UBE2H: variants seen among roughly 807,000 people sequenced by gnomAD.
The protein encoded by UBE2H is ubiquitin-conjugating enzyme E2 H.
A neutral mutation model predicts 29.0 loss-of-function variants in UBE2H; 3 were observed. The observed-to-expected ratio is 0.10, with a 90% CI of 0.05 to 0.27. The LOEUF (loss-of-function observed/expected upper bound fraction) is 0.27. UBE2H is among the 10% of genes least tolerant of loss of function. The pLI is 1.00. For missense variants in UBE2H, 68 were observed against 228.2 expected, an observed-to-expected ratio of 0.30 and a Z score of 4.52; for synonymous variants, 69 against 82.9, an observed-to-expected ratio of 0.83 and a Z score of 0.91.
intron 1 of UBE2H, among the ~76,000 whole-genome samples, chr7:129,889,770 G>A (rs754397176): frequency 7.2e-5 from 11 of 152,150 alleles, no homozygotes; most frequent in Admixed American, 1.3e-4. Context: ...GATTGCTTGA[G>A]GCCAGGAGTC....
chr7:129,872,657 C>A (rs1293014860), intron 3 of UBE2H, among the ~76,000 whole-genome samples: 3 of 151,820 alleles, frequency 2.0e-5, no homozygotes, highest in Non-Finnish European at 4.4e-5. Context: ...GCCTGGCCAA[C>A]ATGGTGAAAC....
intron 3 of UBE2H, among the ~76,000 whole-genome samples, chr7:129,859,228 A>G (rs534303181): frequency 6.6e-6 from 1 of 152,350 alleles, no homozygotes; most frequent in African/African-American, 2.4e-5. Flanking sequence ...GTACTGCTCA[A>G]AGATAAATTA....
At chr7:129,862,157 G>A (rs557083980) in intron 3 of UBE2H, among the ~76,000 whole-genome samples, 1 of 152,268 alleles carries the variant, frequency 6.6e-6, no homozygotes, top group South Asian at 2.1e-4. Context: ...TCTGATGAGT[G>A]GGGAACAATG....
At chr7:129,903,779 A>T (rs1017692647) in intron 1 of UBE2H, among the ~76,000 whole-genome samples, 4 of 151,964 alleles carry the variant, frequency 2.6e-5, no homozygotes, top group African/African-American at 7.3e-5. Context: ...AGTGTTACAC[A>T]CCTGTTATCC....
chr7:129,902,936 T>C (rs546010560), intron 1 of UBE2H, among the ~76,000 whole-genome samples: 32 of 152,358 alleles, frequency 2.1e-4, no homozygotes, highest in Middle Eastern at 6.8e-3. Context: ...CATGCAAGTA[T>C]TGTTTCCATT....
At chr7:129,905,411 C>T (rs1806796019) in intron 1 of UBE2H, among the ~76,000 whole-genome samples, 1 of 152,036 alleles carries the variant, frequency 6.6e-6, no homozygotes, top group Non-Finnish European at 1.5e-5. Context: ...AGTATGGGAT[C>T]CCAGCTATGT....
chr7:129,904,235 T>C (rs1034982254), intron 1 of UBE2H, among the ~76,000 whole-genome samples: 2 of 152,166 alleles, frequency 1.3e-5, no homozygotes, highest in African/African-American at 4.8e-5. Flanking sequence ...CCAGCCCTGA[T>C]TTCCCTGTTT....
intron 1 of UBE2H, among the ~76,000 whole-genome samples, chr7:129,932,773 CAAAA>C (rs1208871059): frequency 1.2e-4 from 4 of 33,210 alleles, no homozygotes; most frequent in African/African-American, 5.0e-4. Flanking sequence ...GACTCCGTCT[CAAAA>C]AAAAAAAAAA....
chr7:129,860,237 CACTTTTA>C (rs1805775390), intron 3 of UBE2H, among the ~76,000 whole-genome samples: 2 of 152,164 alleles, frequency 1.3e-5, no homozygotes, highest in African/African-American at 4.8e-5. Context: ...TAGTCACTCA[CACTTTTA>C]ACTTTTGTTT....
chr7:129,870,588 G>A (rs78461008), intron 3 of UBE2H, among the ~76,000 whole-genome samples: 22,119 of 152,128 alleles, frequency 0.15, 1,680 homozygotes, highest in Admixed American at 0.2. Flanking sequence ...TCTTCACAGC[G>A]GTGTATGTCT....
chr7:129,916,585 G>A (rs1043261129), intron 1 of UBE2H, among the ~76,000 whole-genome samples: 7 of 151,930 alleles, frequency 4.6e-5, no homozygotes, highest in African/African-American at 1.2e-4. Flanking sequence ...TGTTTGGAAA[G>A]CTAGGGGGAA....
At chr7:129,917,488 T>G (rs1265167230) in intron 1 of UBE2H, among the ~76,000 whole-genome samples, 1 of 152,030 alleles carries the variant, frequency 6.6e-6, no homozygotes, top group Non-Finnish European at 1.5e-5. Flanking sequence ...GGGAGGTTGG[T>G]GGTAACAAAA....
chr7:129,893,462 T>C (rs185787852), intron 1 of UBE2H, among the ~76,000 whole-genome samples: 1 of 152,180 alleles, frequency 6.6e-6, no homozygotes, highest in African/African-American at 2.4e-5. Flanking sequence ...CCCAACAAAA[T>C]ATTTTTAAAA....
chr7:129,881,595 C>T (rs1806255261), intron 1 of UBE2H, among the ~76,000 whole-genome samples: 1 of 151,432 alleles, frequency 6.6e-6, no homozygotes, highest in Admixed American at 6.6e-5. Context: ...TTGCAGTGAG[C>T]CGAGATCACA....
At chr7:129,942,706 AT>A (rs901793786) in intron 1 of UBE2H, among the ~76,000 whole-genome samples, 3 of 152,202 alleles carry the variant, frequency 2.0e-5, no homozygotes, top group African/African-American at 4.8e-5. Context: ...GTTAAAAAAA[AT>A]CTTATCAATA....
At position 129,834,345 on chromosome 7, in the gene UBE2H, G is replaced by T. The variant is rs1295811398; in HGVS notation, c.*592C>A. On this transcript the variant is annotated 3_prime_UTR_variant, in exon 7 of 7. Coordinates refer to ENST00000355621, the MANE Select transcript of UBE2H (RefSeq NM_003344.4). ...GTACTTAAAATCAGAGTCAAAAAAT[G>T]GTTTTAAGTTTTAATACTCTTAATT... The T allele has an allele frequency of 6.6e-6, 1 of 152,290 alleles. No individual in the cohort carries two copies. The highest frequency in any genetic ancestry group is 1.5e-5 in the Non-Finnish European group (1 of 68,038). 9.4% of individuals were successfully genotyped at this position (152,290 alleles called of 1,614,324 possible).
Position 129,952,717 on chromosome 7 carries a change from AACACCG to A in UBE2H, c.-168_-163del. On this transcript the variant is annotated 5_prime_UTR_variant, in exon 1 of 7. Transcript: ENST00000355621. ...GCCGCCGCCGCCCCCCGCACGGGGG[AACACCG>A]GGCACTGTCCGGCCGGGTGGGGGTG... The A allele has an allele frequency of 1.3e-6, 1 of 748,214 alleles. No homozygotes were observed. Among genetic ancestry groups the A allele is most frequent in the Non-Finnish European group, 1.9e-6 (1 of 521,056 alleles). The allele number at this position is 748,214 out of a possible 1,614,324, so 46.3% of individuals were successfully genotyped here.
chr7:129,887,751 T>C (rs537113591), intron 1 of UBE2H, among the ~76,000 whole-genome samples: 58 of 151,230 alleles, frequency 3.8e-4, no homozygotes, highest in Non-Finnish European at 6.5e-4. Flanking sequence ...AATACGAAAT[T>C]AGCCAGGCGT....
At position 129,833,160 on chromosome 7, in the gene UBE2H, C is replaced by G. The variant is rs1322798027; in HGVS notation, c.*1777G>C. The G allele has an allele frequency of 1.3e-5, 2 of 151,388 alleles. No homozygotes were observed. The highest frequency in any genetic ancestry group is 6.6e-5 in the Admixed American group (1 of 15,122). 9.4% of individuals were successfully genotyped at this position (151,388 alleles called of 1,614,324 possible). A position where few individuals can be genotyped will look rare whatever the true frequency, so the allele number is the denominator to read the frequency against. On this transcript the variant is annotated 3_prime_UTR_variant, in exon 7 of 7. Coordinates refer to ENST00000355621, the MANE Select transcript of UBE2H (RefSeq NM_003344.4). ...GTAATTAACATAAAGTAAGTAAATT[C>G]TTTGTCTTTTTATTTAGGAAAATAA...
Sources: allele counts gnomAD v4.1 joint callset (sites outside exome capture counted in the v4.1 genomes callset), GRCh38; gene constraint gnomAD v4.1.1; transcripts MANE v1.5; gene names NCBI Gene and HGNC (gene_info 2026-07-23, HGNC 2026-07-21).